The following ANKRD17 variants were observed in gnomAD, a reference collection of about 807,000 sequenced individuals.
ANKRD17 encodes ankyrin repeat domain-containing protein 17.
ANKRD17 carries 19 observed loss-of-function variants against 229.7 expected under a neutral mutation model. The observed-to-expected ratio is 0.08, with a 90% CI of 0.06 to 0.12. The LOEUF is 0.12. Among genes scored for constraint, ANKRD17 ranks in the 10% least tolerant of loss-of-function variants. The pLI is 1.00. For missense variants in ANKRD17, 2,176 were observed against 3,176.8 expected, an observed-to-expected ratio of 0.68 and a Z score of 7.57; for synonymous variants, 1,112 against 1,146.1, an observed-to-expected ratio of 0.97 and a Z score of 0.60.
At chr4:73,126,622 T>C (rs1197529109) in intron 16 of ANKRD17, among the ~76,000 whole-genome samples, 1 of 152,264 alleles carries the variant, frequency 6.6e-6, no homozygotes, top group Non-Finnish European at 1.5e-5. Context: ...GGTTTGCTTC[T>C]GCCTTCTGCT....
chr4:73,154,215 TAATA>T lies in ANKRD17; in HGVS notation c.1001-106_1001-103del, dbSNP rs1731348751. On this transcript the variant is annotated intron_variant, in intron 5 of 33. Transcript: ENST00000358602. ...AAATGGAAACAGAAGACTACAACCA[TAATA>T]AATATTAAATTACATATACATATAT... is the stretch of plus-strand genomic sequence containing the variant. 6 of 598,122 alleles carry T rather than the reference TAATA, an allele frequency of 1.0e-5. No homozygotes were observed. In the East Asian group the frequency reaches 1.9e-4, roughly 19 times the overall value. The allele number at this position is 598,122 out of a possible 1,614,324, so 37.1% of individuals were successfully genotyped here.
At chr4:73,217,772 A>G (rs1741274831) in intron 1 of ANKRD17, among the ~76,000 whole-genome samples, 2 of 152,186 alleles carry the variant, frequency 1.3e-5, no homozygotes, top group Admixed American at 1.3e-4. Flanking sequence ...GCACGAAACT[A>G]CTAAAAAAAA....
intron 1 of ANKRD17, 52 bp downstream of exon 1, chr4:73,258,224 C>T (rs762853071): frequency 1.2e-6 from 2 of 1,611,714 alleles, no homozygotes; most frequent in South Asian, 1.1e-5. Flanking sequence ...ACCTTCGGCC[C>T]CTATCCCTTA....
At chr4:73,201,616 TAAC>T (rs1177425327) in intron 1 of ANKRD17, among the ~76,000 whole-genome samples, 1 of 152,206 alleles carries the variant, frequency 6.6e-6, no homozygotes, top group Non-Finnish European at 1.5e-5. Flanking sequence ...TTAATTTTTC[TAAC>T]ACAGGCTTAT....
At chr4:73,226,346 C>G (rs1403499870) in intron 1 of ANKRD17, among the ~76,000 whole-genome samples, 2 of 147,154 alleles carry the variant, frequency 1.4e-5, no homozygotes, top group African/African-American at 5.0e-5. Context: ...ATCCTAATAC[C>G]TTTTAAATTA....
At chr4:73,099,136 G>A in intron 25 of ANKRD17, 1 of 710,804 alleles carries the variant, frequency 1.4e-6, no homozygotes, top group Non-Finnish European at 2.6e-6. Context: ...CCTCAGAGGA[G>A]GAGCAGTGAC....
chr4:73,079,270 TC>T (rs1414713488), intron 30 of ANKRD17, among the ~76,000 whole-genome samples: 1 of 152,234 alleles, frequency 6.6e-6, no homozygotes, highest in Non-Finnish European at 1.5e-5. Context: ...CAAACTGTAT[TC>T]CCTGGGAATA....
chr4:73,075,583 C>G lies in ANKRD17; in HGVS notation c.*648G>C, dbSNP rs758705431. ...CTATATGTGCCTTGCTACAAATAAA[C>G]CAAAAAGAAAGCAAGATGGGTATTT... On this transcript the variant is annotated 3_prime_UTR_variant, in exon 34 of 34. Coordinates refer to ENST00000358602, the MANE Select transcript of ANKRD17 (RefSeq NM_032217.5). The G allele has an allele frequency of 3.3e-5, 5 of 152,400 alleles. No homozygotes were observed. The highest frequency in any genetic ancestry group is 4.4e-5 in the Non-Finnish European group (3 of 67,948). The allele number at this position is 152,400 out of a possible 1,614,324, so 9.4% of individuals were successfully genotyped here. A position where few individuals can be genotyped will look rare whatever the true frequency, so the allele number is the denominator to read the frequency against.
chr4:73,204,317 C>G (rs936934021), intron 1 of ANKRD17, among the ~76,000 whole-genome samples: 4 of 133,578 alleles, frequency 3.0e-5, no homozygotes, highest in African/African-American at 1.1e-4. Flanking sequence ...GCCGAGATCA[C>G]GTCATTGCAG....
At chr4:73,220,847 G>A (rs958748724) in intron 1 of ANKRD17, among the ~76,000 whole-genome samples, 23 of 152,088 alleles carry the variant, frequency 1.5e-4, no homozygotes, top group African/African-American at 4.8e-4. Context: ...TGTCACTGTG[G>A]TATACAGATG....
At chr4:73,186,392 C>A (rs1336771916) in intron 1 of ANKRD17, among the ~76,000 whole-genome samples, 3 of 152,044 alleles carry the variant, frequency 2.0e-5, no homozygotes, top group African/African-American at 7.2e-5. Context: ...GTCAATGATT[C>A]ATTATGGTAT....
chr4:73,075,695 T>G lies in ANKRD17; in HGVS notation c.*536A>C, dbSNP rs1720951288. 6.5e-6 allele frequency: 1 copy of G among 152,674 alleles called. No individual in the cohort carries two copies. The highest frequency in any genetic ancestry group is 2.4e-5 in the African/African-American group (1 of 41,462). The allele number at this position is 152,674 out of a possible 1,614,324, so 9.5% of individuals were successfully genotyped here. ...TACACCAGTAGAAAAGTTATGCTTATTAATAGTTTAATGTATGAAGGAAAC... is the reference window on the plus strand; with the variant it reads ...TACACCAGTAGAAAAGTTATGCTTAGTAATAGTTTAATGTATGAAGGAAAC... On this transcript the variant is annotated 3_prime_UTR_variant, in exon 34 of 34. Coordinates refer to ENST00000358602, the MANE Select transcript of ANKRD17 (RefSeq NM_032217.5).
At chr4:73,134,597 T>A (rs1728652266) in intron 16 of ANKRD17, among the ~76,000 whole-genome samples, 1 of 152,196 alleles carries the variant, frequency 6.6e-6, no homozygotes, top group Non-Finnish European at 1.5e-5. Flanking sequence ...CCACTCCATG[T>A]TATTTCTTCA....
At chr4:73,170,631 AG>A (rs1560644601) in intron 2 of ANKRD17, among the ~76,000 whole-genome samples, 1 of 151,102 alleles carries the variant, frequency 6.6e-6, no homozygotes, top group Non-Finnish European at 1.5e-5. Context: ...GTCCTGGGAG[AG>A]AGGGGGCCCA....
chr4:73,184,320 G>C (rs866168312), intron 1 of ANKRD17, among the ~76,000 whole-genome samples: 1 of 152,062 alleles, frequency 6.6e-6, no homozygotes, highest in Non-Finnish European at 1.5e-5. Context: ...CCTGAGGTCA[G>C]GAGTTCGAGA....
At chr4:73,240,555 T>A (rs1743927130) in intron 1 of ANKRD17, among the ~76,000 whole-genome samples, 1 of 151,922 alleles carries the variant, frequency 6.6e-6, no homozygotes, top group African/African-American at 2.4e-5. Flanking sequence ...AGCCCAGGAT[T>A]TCGAGGCGGC....
At chr4:73,099,638 G>C (rs1217543713) in intron 25 of ANKRD17, among the ~76,000 whole-genome samples, 3 of 152,212 alleles carry the variant, frequency 2.0e-5, no homozygotes, top group Non-Finnish European at 4.4e-5. Flanking sequence ...CTAGCAGCAG[G>C]TGTGGCCAAT....
chr4:73,104,951 G>A (rs1201192382), intron 24 of ANKRD17, among the ~76,000 whole-genome samples: 1 of 152,152 alleles, frequency 6.6e-6, no homozygotes, highest in East Asian at 1.9e-4. Flanking sequence ...CCTTTGGCAA[G>A]AGTAATATGA....
chr4:73,205,986 T>C (rs1578388947), intron 1 of ANKRD17, among the ~76,000 whole-genome samples: 5 of 152,188 alleles, frequency 3.3e-5, no homozygotes, highest in Middle Eastern at 3.4e-3. Context: ...GAAAAAATGC[T>C]CAACATCACT....
Sources: allele counts gnomAD v4.1 joint callset (sites outside exome capture counted in the v4.1 genomes callset), GRCh38; gene constraint gnomAD v4.1.1; transcripts MANE v1.5; gene names NCBI Gene and HGNC (gene_info 2026-07-23, HGNC 2026-07-21).